Variants in KPNA5 observed in about 807,000 individuals in gnomAD.
KPNA5 encodes karyopherin subunit alpha 5.
Under a neutral mutation model 71.3 loss-of-function variants are expected in KPNA5, and 46 were observed. That is an observed-to-expected ratio of 0.65 (90% confidence interval 0.51 to 0.83). The LOEUF is 0.83. KPNA5 is among the 40% of genes least tolerant of loss of function. The pLI, the probability that KPNA5 is intolerant of heterozygous loss-of-function variation, is 0.00. For missense variants in KPNA5, 547 were observed against 628.3 expected, an observed-to-expected ratio of 0.87 and a Z score of 1.38; for synonymous variants, 207 against 201.4, an observed-to-expected ratio of 1.03 and a Z score of -0.24.
intron 7 of KPNA5, among the ~76,000 whole-genome samples, chr6:116,714,142 G>C (rs895452179): frequency 3.9e-5 from 6 of 152,172 alleles, no homozygotes; most frequent in African/African-American, 1.4e-4. Flanking sequence ...AAACTGGACT[G>C]ATTATTGTAA....
intron 1 of KPNA5, among the ~76,000 whole-genome samples, chr6:116,685,151 A>G (rs976634375): frequency 1.3e-5 from 2 of 152,200 alleles, no homozygotes; most frequent in African/African-American, 4.8e-5. Flanking sequence ...TAACTGGAAA[A>G]CTGATAAACC....
At chr6:116,684,495 T>A (rs562052048) in intron 1 of KPNA5, among the ~76,000 whole-genome samples, 1 of 152,292 alleles carries the variant, frequency 6.6e-6, no homozygotes, top group South Asian at 2.1e-4. Context: ...ATAAACCGAG[T>A]GGCCTGTTTT....
At chr6:116,701,148 A>G (rs9489014) in intron 5 of KPNA5, among the ~76,000 whole-genome samples, 42,461 of 152,030 alleles carry the variant, frequency 0.28, 6,693 homozygotes, top group African/African-American at 0.43. Context: ...GTACTTTTTA[A>G]TATTTCAGTA....
At chr6:116,682,466 G>C (rs778813320) in intron 1 of KPNA5, among the ~76,000 whole-genome samples, 2 of 152,138 alleles carry the variant, frequency 1.3e-5, no homozygotes, top group Non-Finnish European at 2.9e-5. Context: ...GTACAAAAGT[G>C]GTTTTCTTGG....
chr6:116,735,824 GAACA>G lies in KPNA5; in HGVS notation c.*3504_*3507del, dbSNP rs1447771054. The G allele has an allele frequency of 2.0e-5, 3 of 151,578 alleles. No individual in the cohort carries two copies. Among genetic ancestry groups the G allele is most frequent in the African/African-American group, 7.3e-5 (3 of 41,360 alleles). The allele number at this position is 151,578 out of a possible 1,614,324, so 9.4% of individuals were successfully genotyped here. On this transcript the variant is annotated 3_prime_UTR_variant, in exon 14 of 14. Coordinates refer to ENST00000368564, the MANE Select transcript of KPNA5 (RefSeq NM_001366306.2). ...AAAAGAGAAAAAACAAATGAAGATG[GAACA>G]AATAGCAAGAAAGATCAAACTCAGT... is the stretch of plus-strand genomic sequence containing the variant.
In KPNA5 at chr6:116,739,885, A is replaced by AT. The variant is rs1429051330; in HGVS notation, c.*7563dup. 1 of 152,056 alleles carries AT rather than the reference A, an allele frequency of 6.6e-6. No homozygotes were observed. The highest frequency in any genetic ancestry group is 1.5e-5 in the Non-Finnish European group (1 of 68,018). The allele number at this position is 152,056 out of a possible 1,614,324, so 9.4% of individuals were successfully genotyped here. On this transcript the variant is annotated 3_prime_UTR_variant, in exon 14 of 14. Coordinates refer to ENST00000368564, the MANE Select transcript of KPNA5 (RefSeq NM_001366306.2). The stretch of plus-strand genomic sequence containing the variant: ...AGACTTAAACATTAGACCAAAAACC[A>AT]TAAAAACCCTAGAAGAAAACCTAGG...
At chr6:116,726,353 C>T in intron 11 of KPNA5, 142 bp from the exon 12 acceptor site, 2 of 644,930 alleles carry the variant, frequency 3.1e-6, no homozygotes, top group South Asian at 2.5e-5. Flanking sequence ...AGTTTGCTGA[C>T]AGAATAGAAA....
Position 116,726,540 on chromosome 6 carries a change from C to T in KPNA5, c.1171C>T (p.Gln391Ter). ...NIFPVLIEIL[Q>*]KAEFRTRKEA... ...TTTTCCTGTTTTGATTGAGATTCTTCAGAAAGCAGAGTTTCGTACCAGAAA... is the reference window on the plus strand; with the variant it reads ...TTTTCCTGTTTTGATTGAGATTCTTTAGAAAGCAGAGTTTCGTACCAGAAA... Residue 391 changes from glutamine (Q) to a stop codon, truncating the protein, a stop_gained, in exon 12 of 14, where the codon CAG becomes TAG. Coordinates refer to ENST00000368564, the MANE Select transcript of KPNA5 (RefSeq NM_001366306.2). LOFTEE classifies it high-confidence loss of function. 1 of 1,612,174 alleles carries T rather than the reference C, an allele frequency of 6.2e-7. No homozygotes were observed. The highest frequency in any genetic ancestry group is 8.5e-7 in the Non-Finnish European group (1 of 1,178,850).
At chr6:116,683,829 C>CCTGTGAGGCAGGT (rs1433939539) in intron 1 of KPNA5, among the ~76,000 whole-genome samples, 1 of 150,178 alleles carries the variant, frequency 6.7e-6, no homozygotes, top group Non-Finnish European at 1.5e-5. Context: ...GATCTCCTGA[C>CCTGTGAGGCAGGT]CTTGTGATCC....
In KPNA5 at chr6:116,732,762, G is replaced by A. The variant is rs903408237; in HGVS notation, c.*439G>A. ...CTACTAAATCTACCTCTATCTTGAA[G>A]CAGAAATAAAAACAAAAAAGCTTCA... is the stretch of plus-strand genomic sequence containing the variant. On this transcript the variant is annotated 3_prime_UTR_variant, in exon 14 of 14. Coordinates refer to ENST00000368564, the MANE Select transcript of KPNA5 (RefSeq NM_001366306.2). 1 of 151,766 alleles carries A rather than the reference G, an allele frequency of 6.6e-6. No individual in the cohort carries two copies. The highest frequency in any genetic ancestry group is 2.4e-5 in the African/African-American group (1 of 41,352). 9.4% of individuals were successfully genotyped at this position (151,766 alleles called of 1,614,324 possible).
At chr6:116,731,900 CCTT>C (rs1779496648) in intron 13 of KPNA5, among the ~76,000 whole-genome samples, 2 of 151,536 alleles carry the variant, frequency 1.3e-5, no homozygotes, top group South Asian at 4.2e-4. Context: ...GGCCTATGGT[CCTT>C]CTTCGTATGA....
rs755872504 is a variant in KPNA5 at position 116,702,130 on chromosome 6, C to G, written c.547C>G (p.His183Asp). 1.9e-6 allele frequency: 3 copies of G among 1,613,752 alleles called. No homozygotes were observed. Among genetic ancestry groups the G allele is most frequent in the Non-Finnish European group, 2.5e-6 (3 of 1,179,892 alleles). Residue 183 changes from histidine (H) to aspartate (D), a missense_variant, in exon 6 of 14, where the codon CAT becomes GAT. Coordinates refer to ENST00000368564, the MANE Select transcript of KPNA5 (RefSeq NM_001366306.2). The stretch of plus-strand genomic sequence containing the variant: ...TTTTATCAAACTTCTTAATTCTGAA[C>G]ATGAAGATGTTCAGGAACAGGTACG... ...PIFIKLLNSE[H>D]EDVQEQAVWA... is the part of the protein sequence containing the mutation.
intron 13 of KPNA5, among the ~76,000 whole-genome samples, chr6:116,730,934 T>G (rs1479210472): frequency 6.6e-6 from 1 of 152,104 alleles, no homozygotes; most frequent in Non-Finnish European, 1.5e-5. Flanking sequence ...CGGTCTATTT[T>G]TTTTCAGATC....
At chr6:116,717,206 T>C (rs1251951978) in intron 8 of KPNA5, among the ~76,000 whole-genome samples, 1 of 152,218 alleles carries the variant, frequency 6.6e-6, no homozygotes, top group African/African-American at 2.4e-5. Context: ...AGTGTTTTTG[T>C]ACCTTTAGTG....
At chr6:116,719,686 A>G (rs1779033841) in intron 8 of KPNA5, among the ~76,000 whole-genome samples, 1 of 152,096 alleles carries the variant, frequency 6.6e-6, no homozygotes, top group Non-Finnish European at 1.5e-5. Flanking sequence ...GTCTCTACAA[A>G]AAAATTTAAA....
At chr6:116,691,507 C>T (rs1777799558) in intron 2 of KPNA5, among the ~76,000 whole-genome samples, 1 of 152,100 alleles carries the variant, frequency 6.6e-6, no homozygotes, top group Non-Finnish European at 1.5e-5. Flanking sequence ...GCCAACTGTA[C>T]CTATAAATCT....
intron 1 of KPNA5, among the ~76,000 whole-genome samples, chr6:116,683,218 G>C (rs898198957): frequency 3.3e-5 from 5 of 152,150 alleles, no homozygotes; most frequent in South Asian, 2.1e-4. Context: ...TTTTATGCTA[G>C]AGTAGTATAT....
At position 116,734,822 on chromosome 6, in the gene KPNA5, T is replaced by C. The variant is rs1779614497; in HGVS notation, c.*2499T>C. On this transcript the variant is annotated 3_prime_UTR_variant, in exon 14 of 14. Transcript: ENST00000368564. ...CCTTGTGGGAGGAAAAATACTTTTT[T>C]AACTTGCTTTTCTAAGATTTGTTAT... The C allele has an allele frequency of 6.6e-6, 1 of 151,712 alleles. No homozygotes were observed. Among genetic ancestry groups the C allele is most frequent in the Admixed American group, 6.6e-5 (1 of 15,174 alleles). The allele number at this position is 151,712 out of a possible 1,614,324, so 9.4% of individuals were successfully genotyped here. A position where few individuals can be genotyped will look rare whatever the true frequency, so the allele number is the denominator to read the frequency against.
intron 7 of KPNA5, among the ~76,000 whole-genome samples, chr6:116,709,675 CAG>C (rs1778578234): frequency 6.6e-6 from 1 of 152,060 alleles, no homozygotes; most frequent in African/African-American, 2.4e-5. Flanking sequence ...TTTCTTATCT[CAG>C]AGTAAAAACT....
Sources: allele counts gnomAD v4.1 joint callset (sites outside exome capture counted in the v4.1 genomes callset), GRCh38; gene constraint gnomAD v4.1.1; transcripts MANE v1.5; gene names NCBI Gene and HGNC (gene_info 2026-07-23, HGNC 2026-07-21).